The following TSHZ3 variants were observed in gnomAD, a reference collection of about 807,000 sequenced individuals.
TSHZ3 encodes the protein teashirt zinc finger homeobox 3.
Under a neutral mutation model 64.5 loss-of-function variants are expected in TSHZ3, and 10 were observed. The ratio of observed to expected loss-of-function variants is 0.16; its 90% CI spans 0.10 to 0.26. TSHZ3 has a LOEUF of 0.26. Ranked by LOEUF, TSHZ3 falls within the 10% of genes least tolerant of loss-of-function variation. The pLI is 1.00. For synonymous variants in TSHZ3, 608 were observed against 593.1 expected (o/e 1.03, Z -0.36); for missense variants, 1,242 against 1,421.7 (o/e 0.87, Z 2.03).
chr19:31,187,207 C>T (rs1974825668), intron 5 of TSHZ3, among the ~76,000 whole-genome samples: 1 of 152,032 alleles, frequency 6.6e-6, no homozygotes, highest in Non-Finnish European at 1.5e-5. Flanking sequence ...TTCTCTATCA[C>T]CATATTATAG....
At chr19:31,190,071 T>C (rs1446282097) in intron 5 of TSHZ3, among the ~76,000 whole-genome samples, 2 of 152,166 alleles carry the variant, frequency 1.3e-5, no homozygotes, top group African/African-American at 2.4e-5. Flanking sequence ...AGTGTTTTTC[T>C]TGAAGTAGCA....
In TSHZ3 at chr19:31,279,066, T is replaced by A; in HGVS notation, c.727A>T (p.Asn243Tyr). Residue 243 changes from asparagine to tyrosine, a missense_variant, in exon 2 of 2, where the codon AAC becomes TAC. Physicochemically the swap from Asn to Tyr is moderately radical, Grantham distance 143. Transcript: ENST00000240587. This position sits in a 1 kb window ranked among gnomAD's most constrained non-coding sequence, Gnocchi z 6.4. The stretch of plus-strand genomic sequence containing the variant: ...GGGTTGTTGTTATCGGTCTCATGGT[T>A]GTCGTCGCGGTAATGCCCCGTCTCG... ...MNETGHYRDD[N>Y]HETDNNNPKR... is the part of the protein sequence containing the mutation. 6.2e-7 allele frequency: 1 copy of A among 1,614,040 alleles called. No individual in the cohort carries two copies. The highest frequency in any genetic ancestry group is 8.5e-7 in the Non-Finnish European group (1 of 1,179,990).
In TSHZ3 at chr19:31,277,138, C is replaced by T. The variant is rs774294393; in HGVS notation, c.2655G>A (p.Ser885=). The T allele has an allele frequency of 2.2e-5, 36 of 1,608,382 alleles. No homozygotes were observed. The highest frequency in any genetic ancestry group is 7.7e-5 in the South Asian group (7 of 90,546). ...DGATLEEAEE[S]TPAQKRKGRQ... ...GGCCCTTCCTCTTCTGGGCGGGCGT[C>T]GACTCCTCAGCCTCCTCCAGAGTGG... The change falls in exon 2 of 2, where the codon TCG becomes TCA. Residue 885 remains serine (S), a synonymous_variant. Coordinates refer to ENST00000240587, the MANE Select transcript of TSHZ3 (RefSeq NM_020856.4). This position sits in a 1 kb window ranked among gnomAD's most constrained non-coding sequence, Gnocchi z 4.5.
At chr19:31,334,378 C>A (rs2145186979) in intron 1 of TSHZ3, among the ~76,000 whole-genome samples, 1 of 152,348 alleles carries the variant, frequency 6.6e-6, no homozygotes, top group African/African-American at 2.4e-5. Context: ...CCATCTTCTC[C>A]TCTGGCAAAT....
chr19:31,204,123 C>G (rs914366161), intron 5 of TSHZ3, among the ~76,000 whole-genome samples: 2 of 152,086 alleles, frequency 1.3e-5, no homozygotes, highest in East Asian at 3.9e-4. Context: ...GAAACTGCCC[C>G]CATGATCCAA....
chr19:31,343,774 G>GT (rs765231750), intron 1 of TSHZ3, among the ~76,000 whole-genome samples: 78,104 of 146,842 alleles, frequency 0.53, 21,002 homozygotes, highest in East Asian at 0.92. Flanking sequence ...TACAATTCAG[G>GT]TTTTTTTTTT....
intron 1 of TSHZ3, among the ~76,000 whole-genome samples, chr19:31,306,031 G>A (rs979402670): frequency 1.6e-4 from 24 of 152,174 alleles, no homozygotes; most frequent in African/African-American, 5.8e-4. Flanking sequence ...ATAGAAGTTT[G>A]GGGTGGGAGC....
chr19:31,278,978 T>G lies in TSHZ3; in HGVS notation c.815A>C (p.Gln272Pro). The change falls in exon 2 of 2, where the codon CAG becomes CCG. Residue 272 changes from glutamine to proline, a missense_variant. By Grantham distance (76) the Gln-to-Pro change is moderately conservative (BLOSUM62 -1). This residue lies in a region of TSHZ3 where 555 missense variants were observed against 704.0 expected (regional missense o/e 0.79). Coordinates refer to ENST00000240587, the MANE Select transcript of TSHZ3 (RefSeq NM_020856.4). This position sits in a 1 kb window ranked among gnomAD's most constrained non-coding sequence, Gnocchi z 4.7. The part of the protein sequence containing the change: ...LLEMEGKEDA[Q>P]KVLKCMYCGH... ...ACAGTACATGCACTTCAGCACCTTC[T>G]GGGCGTCTTCCTTCCCTTCCATTTC... The G allele has an allele frequency of 6.2e-7, 1 of 1,614,172 alleles. No homozygotes were observed. The highest frequency in any genetic ancestry group is 8.5e-7 in the Non-Finnish European group (1 of 1,179,988).
intron 5 of TSHZ3, among the ~76,000 whole-genome samples, chr19:31,192,640 A>G (rs1324490370): frequency 1.3e-5 from 2 of 152,132 alleles, no homozygotes; most frequent in South Asian, 2.1e-4. Context: ...ATCATCCAAC[A>G]TTGTTTTGGG....
At chr19:31,284,079 A>C (rs1445418523) in intron 1 of TSHZ3, among the ~76,000 whole-genome samples, 1 of 152,126 alleles carries the variant, frequency 6.6e-6, no homozygotes, top group Non-Finnish European at 1.5e-5. Flanking sequence ...GAGTATTTAA[A>C]TTCCTTGTTG....
At chr19:31,220,553 G>C (rs1378343726) in intron 4 of TSHZ3, among the ~76,000 whole-genome samples, 2 of 152,150 alleles carry the variant, frequency 1.3e-5, no homozygotes, top group Non-Finnish European at 2.9e-5. Context: ...GACTGTGATA[G>C]TTCTTTGTCT....
Position 31,279,866 on chromosome 19 carries a change from T to C in TSHZ3, c.41-114A>G. On this transcript the variant is annotated intron_variant, in intron 1 of 1. Coordinates refer to ENST00000240587, the MANE Select transcript of TSHZ3 (RefSeq NM_020856.4). The surrounding 1 kb of genome is among the most constrained non-coding windows in gnomAD (Gnocchi z 6.4). Reference sequence around the variant, plus strand: ...GTACTTGTTGATCTTACCTAGAATATGTTCTGGGCTCTCAGGAAAACACAG... The same window carrying C: ...GTACTTGTTGATCTTACCTAGAATACGTTCTGGGCTCTCAGGAAAACACAG... The C allele has an allele frequency of 2.2e-6, 2 of 926,152 alleles. No homozygotes were observed. The highest frequency in any genetic ancestry group is 2.9e-6 in the Non-Finnish European group (2 of 678,514). 57.4% of individuals were successfully genotyped at this position (926,152 alleles called of 1,614,324 possible).
In TSHZ3 at chr19:31,277,398, T is replaced by C. The variant is rs1428043196; in HGVS notation, c.2395A>G (p.Lys799Glu). The change falls in exon 2 of 2, where the codon AAA (lysine) becomes GAA (glutamate). Residue 799 changes from lysine (K) to glutamate (E), a missense_variant. Lys to Glu is a moderately conservative substitution (Grantham distance 56). Coordinates refer to ENST00000240587, the MANE Select transcript of TSHZ3 (RefSeq NM_020856.4). This position sits in a 1 kb window ranked among gnomAD's most constrained non-coding sequence, Gnocchi z 4.5. ...AGCACTGAACCCAAGGAGCAGCCTT[T>C]GTCACTCTTCCCTTTTGTCAAGTCT... is the stretch of plus-strand genomic sequence containing the variant. ...PIDLTKGKSD[K>E]GCSLGSVLLS... 30 of 1,614,164 alleles carry C rather than the reference T, an allele frequency of 1.9e-5. No homozygotes were observed. The highest frequency in any genetic ancestry group is 2.5e-5 in the Non-Finnish European group (30 of 1,180,022).
intron 5 of TSHZ3, among the ~76,000 whole-genome samples, chr19:31,192,898 G>A (rs1974931876): frequency 6.6e-6 from 1 of 152,230 alleles, no homozygotes; most frequent in African/African-American, 2.4e-5. Context: ...TAGAGAAAGT[G>A]TAAACCAAAG....
At chr19:31,180,314 A>T (rs2145125717) in intron 5 of TSHZ3, among the ~76,000 whole-genome samples, 1 of 152,286 alleles carries the variant, frequency 6.6e-6, no homozygotes, top group African/African-American at 2.4e-5. Flanking sequence ...CGGGCTGTAC[A>T]CCTGCTTTCT....
chr19:31,257,059 G>A (rs1017647037), intron 1 of TSHZ3, among the ~76,000 whole-genome samples: 1 of 152,178 alleles, frequency 6.6e-6, no homozygotes, highest in Non-Finnish European at 1.5e-5. Flanking sequence ...GGTGTGGGGA[G>A]TGCTCCAGGG....
At chr19:31,331,242 C>G (rs766849685) in intron 1 of TSHZ3, among the ~76,000 whole-genome samples, 4 of 152,142 alleles carry the variant, frequency 2.6e-5, no homozygotes, top group Non-Finnish European at 4.4e-5. Context: ...ACCAGAGCCT[C>G]AGGAAACATG....
At chr19:31,213,387 A>AAAAAAAAAAC in intron 4 of TSHZ3, among the ~76,000 whole-genome samples, 1 of 147,622 alleles carries the variant, frequency 6.8e-6, no homozygotes, top group Non-Finnish European at 1.5e-5. Context: ...AAAAAAAAAA[A>AAAAAAAAAAC]AAAATCAGTG....
intron 4 of TSHZ3, among the ~76,000 whole-genome samples, chr19:31,227,621 A>T (rs1217906027): frequency 6.6e-6 from 1 of 152,138 alleles, no homozygotes; most frequent in African/African-American, 2.4e-5. Flanking sequence ...GCCAATGTTG[A>T]ACACCAGGGG....
Sources: gnomAD v4.1 joint callset for allele counts (sites outside exome capture counted in the v4.1 genomes callset) on GRCh38, gnomAD v4.1.1 for gene constraint, gnomAD v4.1.1 regional missense constraint, Gnocchi (gnomAD v3.1) non-coding constraint, MANE v1.5 for transcripts, NCBI Gene and HGNC (gene_info 2026-07-23, HGNC 2026-07-21) for gene names.